The following CREB5 variants were observed in gnomAD, a reference collection of about 807,000 sequenced individuals.
CREB5 encodes the protein cyclic AMP-responsive element-binding protein 5.
Under a neutral mutation model 57.1 loss-of-function variants are expected in CREB5, and 19 were observed. The observed-to-expected ratio is 0.33, with a 90% CI of 0.23 to 0.49. The LOEUF (loss-of-function observed/expected upper bound fraction) is 0.49. Among genes scored for constraint, CREB5 ranks in the 20% least tolerant of loss-of-function variants. The probability of loss-of-function intolerance (pLI) is 0.99; values close to 1 mark genes in which losing one functional copy is unlikely to be tolerated. For missense variants in CREB5, 579 were observed against 671.6 expected, an observed-to-expected ratio of 0.86 and a Z score of 1.52; for synonymous variants, 238 against 238.3, an observed-to-expected ratio of 1.00 and a Z score of 0.01.
chr7:28,506,497 A>C (rs752075603), intron 3 of CREB5, among the ~76,000 whole-genome samples: 4 of 152,232 alleles, frequency 2.6e-5, no homozygotes, highest in Non-Finnish European at 5.9e-5. Context: ...ACATGTACAC[A>C]GTGGAAATAG....
intron 4 of CREB5, among the ~76,000 whole-genome samples, chr7:28,530,810 G>A (rs1012700152): frequency 9.9e-5 from 15 of 152,166 alleles, no homozygotes; most frequent in South Asian, 2.1e-4. Context: ...ATCTCCACCC[G>A]CAGTCCTGCC....
At chr7:28,721,147 G>A (rs547601461) in intron 6 of CREB5, among the ~76,000 whole-genome samples, 11 of 152,254 alleles carry the variant, frequency 7.2e-5, no homozygotes, top group Admixed American at 4.6e-4. Context: ...TTTGTCCCCC[G>A]GGGGATATGT....
intron 7 of CREB5, among the ~76,000 whole-genome samples, chr7:28,777,203 T>C (rs1466935008): frequency 2.0e-5 from 3 of 152,200 alleles, no homozygotes; most frequent in Non-Finnish European, 1.5e-5. Flanking sequence ...TCTAGCTTAA[T>C]TGTCTTCATT....
intron 4 of CREB5, among the ~76,000 whole-genome samples, chr7:28,560,867 T>TGC (rs1294033526): frequency 0.18 from 3,949 of 22,004 alleles, 837 homozygotes; most frequent in South Asian, 0.26. Flanking sequence ...TGCGTGTGCC[T>TGC]GCGTGCGCGT....
intron 1 of CREB5, among the ~76,000 whole-genome samples, chr7:28,350,276 G>C (rs1374902199): frequency 6.6e-6 from 1 of 152,150 alleles, no homozygotes; most frequent in Non-Finnish European, 1.5e-5. Flanking sequence ...TGCTATCTCT[G>C]AGAGAGAAGA....
chr7:28,331,055 C>G (rs948195819), intron 1 of CREB5, among the ~76,000 whole-genome samples: 1 of 152,072 alleles, frequency 6.6e-6, no homozygotes, highest in Admixed American at 6.5e-5. Context: ...ATTAGTGAGG[C>G]CCACTTTGTT....
At chr7:28,667,589 TAAAAG>T in intron 5 of CREB5, among the ~76,000 whole-genome samples, 1 of 141,324 alleles carries the variant, frequency 7.1e-6, no homozygotes, top group East Asian at 2.0e-4. Context: ...TTTAAAAAAA[TAAAAG>T]AGAGAAAAGA....
chr7:28,720,672 G>A (rs1216657535), intron 6 of CREB5, among the ~76,000 whole-genome samples: 1 of 152,164 alleles, frequency 6.6e-6, no homozygotes, highest in Non-Finnish European at 1.5e-5. Flanking sequence ...CACGTTGGTT[G>A]ACTTTACCTA....
chr7:28,453,627 A>G (rs1237167353), intron 1 of CREB5, among the ~76,000 whole-genome samples: 1 of 152,192 alleles, frequency 6.6e-6, no homozygotes, highest in Non-Finnish European at 1.5e-5. Context: ...GGCATCCCTG[A>G]TCCTTGCCCA....
chr7:28,378,184 A>G (rs1186636050), intron 1 of CREB5, among the ~76,000 whole-genome samples: 1 of 152,094 alleles, frequency 6.6e-6, no homozygotes, highest in African/African-American at 2.4e-5. Context: ...AGCTATGGGC[A>G]TTTGTCTGTA....
intron 7 of CREB5, among the ~76,000 whole-genome samples, chr7:28,770,594 A>C (rs960941490): frequency 6.6e-6 from 1 of 152,206 alleles, no homozygotes; most frequent in Non-Finnish European, 1.5e-5. Context: ...AGAAAAGGGG[A>C]GAAAACCCAA....
At chr7:28,728,481 C>T (rs1362533184) in intron 7 of CREB5, among the ~76,000 whole-genome samples, 1 of 152,200 alleles carries the variant, frequency 6.6e-6, no homozygotes, top group East Asian at 1.9e-4. Flanking sequence ...ACAAGGATGG[C>T]AAGGATAGTT....
Position 28,790,721 on chromosome 7 carries a change from G to T in CREB5, c.703-13478G>T, listed in dbSNP as rs565257924. ...TAGCAACATCTGCCTAGCAGAAGCA[G>T]TCACTAAATGCAGAAGGCCCTTCCC... On this transcript the variant is annotated intron_variant, in intron 7 of 10. Transcript: ENST00000357727. Among the ~76,000 whole-genome samples the T allele has an allele frequency of 5.9e-5, 9 of 152,348 alleles. No individual in the cohort carries two copies. The East Asian group carries it at 1.5e-3, about 26-fold the overall frequency.
Position 28,547,987 on chromosome 7 carries a change from G to T in CREB5, c.292-22378G>T, listed in dbSNP as rs953774415. Among the ~76,000 whole-genome samples the T allele has an allele frequency of 5.9e-5, 9 of 152,308 alleles. No homozygotes were observed. In the East Asian group the frequency reaches 1.7e-3, roughly 29 times the overall value. On this transcript the variant is annotated intron_variant, in intron 4 of 10. Transcript: ENST00000357727. ...AAGTAACTATTTGGAGTTAAGAATA[G>T]AACTTGGGTCTTTTGCATCCCATTC...
At chr7:28,310,472 A>C (rs1785256688) in intron 1 of CREB5, among the ~76,000 whole-genome samples, 2 of 152,224 alleles carry the variant, frequency 1.3e-5, no homozygotes, top group South Asian at 4.1e-4. Flanking sequence ...TGGGGGTCTG[A>C]AATCCCTCAT....
chr7:28,409,968 C>T (rs971482230), upstream of CREB5: 15 of 454,742 alleles, frequency 3.3e-5, no homozygotes, highest in Admixed American at 4.7e-5. This position sits in a 1 kb window ranked among gnomAD's most constrained non-coding sequence, Gnocchi z 4.4. Flanking sequence ...AGGAACCTCC[C>T]CCCGCGTCCC....
intron 1 of CREB5, among the ~76,000 whole-genome samples, chr7:28,465,337 A>G (rs1045656093): frequency 1.3e-5 from 2 of 152,214 alleles, no homozygotes; most frequent in Non-Finnish European, 2.9e-5. Flanking sequence ...GGTGTTTGAC[A>G]AAGTTTCTCC....
intron 1 of CREB5, among the ~76,000 whole-genome samples, chr7:28,486,915 G>A (rs1361092583): frequency 6.6e-6 from 1 of 151,320 alleles, no homozygotes; most frequent in Non-Finnish European, 1.5e-5. Context: ...GACCAGCCTG[G>A]CAATACAGCA....
At chr7:28,501,731 C>T (rs1241369602) in intron 3 of CREB5, among the ~76,000 whole-genome samples, 1 of 152,202 alleles carries the variant, frequency 6.6e-6, no homozygotes, top group African/African-American at 2.4e-5. Context: ...CTAGCTTAGC[C>T]TCAGTAATGC....
Sources: allele counts gnomAD v4.1 joint callset (sites outside exome capture counted in the v4.1 genomes callset), GRCh38; gene constraint gnomAD v4.1.1; non-coding constraint Gnocchi (gnomAD v3.1); transcripts MANE v1.5; gene names NCBI Gene and HGNC (gene_info 2026-07-23, HGNC 2026-07-21).